Variants in PERP observed in about 807,000 individuals in gnomAD.
PERP encodes p53 apoptosis effector related to PMP-22.
PERP carries 11 observed loss-of-function variants against 20.3 expected under a neutral mutation model. That is an observed-to-expected ratio of 0.54 (90% CI 0.34 to 0.90). The LOEUF is 0.90. Among genes scored for constraint, PERP ranks in the 40% least tolerant of loss-of-function variants. The probability of loss-of-function intolerance (pLI) is 0.02; values close to 1 mark genes in which losing one functional copy is unlikely to be tolerated. For missense variants in PERP, 224 were observed against 249.4 expected (o/e 0.90, Z 0.69); for synonymous variants, 101 against 102.0 (o/e 0.99, Z 0.06).
At chr6:138,105,520 T>C (rs992487161) in intron 1 of PERP, among the ~76,000 whole-genome samples, 4 of 152,238 alleles carry the variant, frequency 2.6e-5, no homozygotes, top group African/African-American at 7.2e-5. Flanking sequence ...GCATTGTGCA[T>C]GTTTCACAAG....
intron 1 of PERP, among the ~76,000 whole-genome samples, chr6:138,101,067 A>G (rs1173457307): frequency 6.6e-6 from 1 of 152,184 alleles, no homozygotes; most frequent in Non-Finnish European, 1.5e-5. Context: ...ATAAATAAAT[A>G]CTTTAAATGT....
chr6:138,096,540 G>A (rs372747678), intron 1 of PERP, 46 bp from the exon 2 acceptor site: 3 of 1,559,778 alleles, frequency 1.9e-6, no homozygotes, highest in Non-Finnish European at 2.6e-6. Flanking sequence ...GACATACCAA[G>A]TTTAAAAATT....
chr6:138,091,103 C>T lies in PERP; in HGVS notation c.*939G>A, dbSNP rs1775572021. ...CAGAAGCCTGTCTATATGATAGAGC[C>T]CAGATAAACCTGAGATTTAGAAAAG... On this transcript the variant is annotated 3_prime_UTR_variant, in exon 3 of 3. Transcript: ENST00000421351. 6.6e-6 allele frequency: 1 copy of T among 152,074 alleles called. No homozygotes were observed. The highest frequency in any genetic ancestry group is 1.5e-5 in the Non-Finnish European group (1 of 68,000). 9.4% of individuals were successfully genotyped at this position (152,074 alleles called of 1,614,324 possible).
At chr6:138,106,253 A>G (rs1775839237) in intron 1 of PERP, among the ~76,000 whole-genome samples, 1 of 152,078 alleles carries the variant, frequency 6.6e-6, no homozygotes, top group Admixed American at 6.5e-5. Flanking sequence ...ATTGCTAATC[A>G]CAGTAGACCC....
intron 1 of PERP, among the ~76,000 whole-genome samples, chr6:138,097,376 C>T (rs1775709354): frequency 6.6e-6 from 1 of 152,196 alleles, no homozygotes; most frequent in South Asian, 2.1e-4. Context: ...TCACACACAA[C>T]CTTTCCTCTA....
chr6:138,101,511 G>A (rs1775773021), intron 1 of PERP, among the ~76,000 whole-genome samples: 1 of 152,148 alleles, frequency 6.6e-6, no homozygotes, highest in African/African-American at 2.4e-5. Context: ...CCCCCCAAAG[G>A]TAGTCCTCCT....
At position 138,099,271 on chromosome 6, in the gene PERP, C is replaced by A. The variant is rs59960297; in HGVS notation, c.215-2777G>T. Among the ~76,000 whole-genome samples the A allele has an allele frequency of 4.0e-3, 603 of 152,270 alleles. 7 individuals carry two copies. Among genetic ancestry groups the A allele is most frequent in the African/African-American group, 0.013 (551 of 41,552 alleles). On this transcript the variant is annotated intron_variant, in intron 1 of 2. Coordinates refer to ENST00000421351, the MANE Select transcript of PERP (RefSeq NM_022121.5). ...ATTAAAGTCCTTATTAAAACAGATGCAGCACTACCAAAAAGGATCATATAA... is the reference window on the plus strand; with the variant it reads ...ATTAAAGTCCTTATTAAAACAGATGAAGCACTACCAAAAAGGATCATATAA...
At position 138,093,668 on chromosome 6, in the gene PERP, T is replaced by C. The variant is rs148548639; in HGVS notation, c.356-1400A>G. Reference sequence around the variant, plus strand: ...ATTAAATATTGCTATTTATCGATTCTGGCTCATCATATATGAAGTCCTTAT... The same window carrying C: ...ATTAAATATTGCTATTTATCGATTCCGGCTCATCATATATGAAGTCCTTAT... On this transcript the variant is annotated intron_variant, in intron 2 of 2. Transcript: ENST00000421351. Among the ~76,000 whole-genome samples the C allele has an allele frequency of 2.6e-5, 4 of 152,312 alleles. No homozygotes were observed. In the East Asian group the frequency reaches 7.7e-4, roughly 29 times the overall value.
rs1489422858 is a variant in PERP, at chr6:138,091,276, G to A, written c.*766C>T. 1 of 152,268 alleles carries A rather than the reference G, an allele frequency of 6.6e-6. No homozygotes were observed. The highest frequency in any genetic ancestry group is 2.4e-5 in the African/African-American group (1 of 41,556). 9.4% of individuals were successfully genotyped at this position (152,268 alleles called of 1,614,324 possible). On this transcript the variant is annotated 3_prime_UTR_variant, in exon 3 of 3. Transcript: ENST00000421351. ...TTTCAATCCAGTCTACTCTGGTTCT[G>A]AACATATAAACACAAAACACTACAG...
intron 1 of PERP, among the ~76,000 whole-genome samples, chr6:138,103,881 C>T (rs1775808154): frequency 2.0e-5 from 3 of 152,176 alleles, no homozygotes; most frequent in East Asian, 1.9e-4. Context: ...TGGCCAACAG[C>T]GATTTCATGT....
chr6:138,107,294 G>C lies in PERP; in HGVS notation c.47C>G (p.Pro16Arg). 6.2e-7 allele frequency: 1 copy of C among 1,608,448 alleles called. No homozygotes were observed. Among genetic ancestry groups the C allele is most frequent in the Middle Eastern group, 1.9e-4 (1 of 5,360 alleles). ...GGCGATGGCGCTGAGTAGGAGCAGG[G>C]GCAGGATCCAGCGGCAGCGCTCGCA... ...LACERCRWIL[P>R]LLLLSAIAFD... Residue 16 changes from proline to arginine, a missense_variant, in exon 1 of 3, where the codon CCC becomes CGC. By Grantham distance (103) the Pro-to-Arg change is moderately radical (BLOSUM62 -2). Coordinates refer to ENST00000421351, the MANE Select transcript of PERP (RefSeq NM_022121.5). This position sits in a 1 kb window ranked among gnomAD's most constrained non-coding sequence, Gnocchi z 4.8.
chr6:138,098,560 A>G (rs1461104331), intron 1 of PERP, among the ~76,000 whole-genome samples: 1 of 152,116 alleles, frequency 6.6e-6, no homozygotes, highest in East Asian at 1.9e-4. Flanking sequence ...ATTTTCTTCT[A>G]CATTCGCAAG....
At position 138,088,820 on chromosome 6, in the gene PERP, C is replaced by A. The variant is rs1775532309; in HGVS notation, c.*3222G>T. 1 of 152,128 alleles carries A rather than the reference C, an allele frequency of 6.6e-6. No individual in the cohort carries two copies. The highest frequency in any genetic ancestry group is 2.4e-5 in the African/African-American group (1 of 41,422). The allele number at this position is 152,128 out of a possible 1,614,324, so 9.4% of individuals were successfully genotyped here. On this transcript the variant is annotated 3_prime_UTR_variant, in exon 3 of 3. Coordinates refer to ENST00000421351, the MANE Select transcript of PERP (RefSeq NM_022121.5). ...TCGACTGATGGGGTTGCAAGCCCAG[C>A]CTGTCTGCAGGAATTTTTAAATCTG...
intron 1 of PERP, among the ~76,000 whole-genome samples, chr6:138,096,803 A>G (rs1775701665): frequency 6.6e-6 from 1 of 152,224 alleles, no homozygotes; most frequent in African/African-American, 2.4e-5. Flanking sequence ...AGTTTGCCAC[A>G]TAACGGGTAT....
rs990108351 is a variant in PERP, at chr6:138,104,273, T to A, written c.214+2854A>T. ...CATTAATCTATAGATTTTCTTTTCC[T>A]GTTTTGACAAATATAAACCATGATT... On this transcript the variant is annotated intron_variant, in intron 1 of 2. Coordinates refer to ENST00000421351, the MANE Select transcript of PERP (RefSeq NM_022121.5). Among the ~76,000 whole-genome samples, 7 of 152,352 alleles carry A rather than the reference T, an allele frequency of 4.6e-5. No homozygotes were observed. The East Asian group carries it at 1.2e-3, about 25-fold the overall frequency.
intron 1 of PERP, among the ~76,000 whole-genome samples, chr6:138,101,503 C>T (rs528997604): frequency 2.0e-5 from 3 of 152,222 alleles, no homozygotes; most frequent in African/African-American, 7.2e-5. Context: ...CTAAGTTTCC[C>T]CCCAAAGGTA....
In PERP at chr6:138,102,099, G is replaced by A. The variant is rs530635370; in HGVS notation, c.214+5028C>T. ...GAAGGCAGTTAAATGGCTCAACAGA[G>A]AGATGGCAGGGAGAATACACGGGAG... On this transcript the variant is annotated intron_variant, in intron 1 of 2. Transcript: ENST00000421351. Among the ~76,000 whole-genome samples, 4 of 152,346 alleles carry A rather than the reference G, an allele frequency of 2.6e-5. No individual in the cohort carries two copies. In the East Asian group the frequency reaches 5.8e-4, roughly 22 times the overall value.
At position 138,090,868 on chromosome 6, in the gene PERP, A is replaced by G. The variant is rs1775567691; in HGVS notation, c.*1174T>C. On this transcript the variant is annotated 3_prime_UTR_variant, in exon 3 of 3. Transcript: ENST00000421351. ...CCACAACTTACAAAATAATAATCTG[A>G]TATTTAAAATGAATTGGTTTTCATT... 6.6e-6 allele frequency: 1 copy of G among 152,606 alleles called. No individual in the cohort carries two copies. Among genetic ancestry groups the G allele is most frequent in the South Asian group, 2.1e-4 (1 of 4,832 alleles). 9.5% of individuals were successfully genotyped at this position (152,606 alleles called of 1,614,324 possible). A position where few individuals can be genotyped will look rare whatever the true frequency, so the allele number is the denominator to read the frequency against.
chr6:138,092,201 G>A lies in PERP; in HGVS notation c.423C>T (p.Ala141=), dbSNP rs769917708. ...TATAGATGTAAGTGACAGCAGGGTT[G>A]GCATGAAGGGTGAAGGTCTGGGTGT... ...VKYTQTFTLH[A]NPAVTYIYNW... is the part of the protein sequence containing the mutation. Residue 141 remains alanine (A), a synonymous_variant, in exon 3 of 3, where the codon GCC becomes GCT. Transcript: ENST00000421351. 5 of 1,614,106 alleles carry A rather than the reference G, an allele frequency of 3.1e-6. No homozygotes were observed. The highest frequency in any genetic ancestry group is 3.4e-6 in the Non-Finnish European group (4 of 1,179,976).
Sources: allele counts gnomAD v4.1 joint callset (sites outside exome capture counted in the v4.1 genomes callset), GRCh38; gene constraint gnomAD v4.1.1; non-coding constraint Gnocchi (gnomAD v3.1); transcripts MANE v1.5; gene names NCBI Gene and HGNC (gene_info 2026-07-23, HGNC 2026-07-21).